The following ARHGAP20 variants were observed in gnomAD, a reference collection of about 807,000 sequenced individuals.
ARHGAP20 encodes Rho GTPase activating protein 20.
ARHGAP20 carries 34 observed loss-of-function variants against 73.7 expected under a neutral mutation model. The observed-to-expected ratio is 0.46, with a 90% CI of 0.35 to 0.61. The LOEUF is 0.61. ARHGAP20 is among the 20% of genes least tolerant of loss of function. The probability of loss-of-function intolerance (pLI) is 0.00; values close to 1 mark genes in which losing one functional copy is unlikely to be tolerated. For missense variants in ARHGAP20, 1,314 were observed against 1,420.9 expected (o/e 0.92, Z 1.21); for synonymous variants, 523 against 518.2 (o/e 1.01, Z -0.13).
At chr11:110,688,566 C>G (rs1054735604) in intron 2 of ARHGAP20, among the ~76,000 whole-genome samples, 1 of 152,048 alleles carries the variant, frequency 6.6e-6, no homozygotes, top group Non-Finnish European at 1.5e-5. Context: ...TTAAAGACAT[C>G]TATACTGATT....
At chr11:110,696,788 T>C (rs955294592) in intron 1 of ARHGAP20, among the ~76,000 whole-genome samples, 3 of 151,716 alleles carry the variant, frequency 2.0e-5, no homozygotes, top group African/African-American at 4.8e-5. Context: ...TTTGTATCCA[T>C]TGTTAGATCC....
chr11:110,677,248 A>C (rs1382726544), intron 2 of ARHGAP20, among the ~76,000 whole-genome samples: 1 of 152,256 alleles, frequency 6.6e-6, no homozygotes, highest in Non-Finnish European at 1.5e-5. Context: ...TAAAAACTCA[A>C]ACAACCCAAT....
chr11:110,579,723 G>C lies in ARHGAP20; in HGVS notation c.3223C>G (p.Pro1075Ala), dbSNP rs1257919926. The change falls in exon 15 of 15, where the codon CCA becomes GCA. Residue 1075 changes from proline to alanine, a missense_variant. Transcript: ENST00000683387. ...ASPKGPLEPP[P>A]HASGVPEANS... Reference sequence around the variant, plus strand: ...GCTTCTGGAACACCAGAAGCATGTGGGGGTGGCTCTAAGGGTCCTTTTGGA... The same window carrying C: ...GCTTCTGGAACACCAGAAGCATGTGCGGGTGGCTCTAAGGGTCCTTTTGGA... 6.2e-6 allele frequency: 10 copies of C among 1,614,190 alleles called. No homozygotes were observed. Among genetic ancestry groups the C allele is most frequent in the Non-Finnish European group, 8.5e-6 (10 of 1,180,036 alleles).
intron 2 of ARHGAP20, among the ~76,000 whole-genome samples, chr11:110,632,897 T>C (rs764803296): frequency 4.6e-5 from 7 of 151,768 alleles, no homozygotes; most frequent in Non-Finnish European, 2.9e-5. Flanking sequence ...TTTGGCAGGT[T>C]ATGTGTTTTG....
chr11:110,646,661 T>C (rs1410772926), intron 2 of ARHGAP20, among the ~76,000 whole-genome samples: 1 of 152,172 alleles, frequency 6.6e-6, no homozygotes, highest in African/African-American at 2.4e-5. Context: ...GGTTATCTAT[T>C]TGACAAAGGG....
At chr11:110,701,333 C>A (rs562457256) in intron 1 of ARHGAP20, among the ~76,000 whole-genome samples, 1 of 151,044 alleles carries the variant, frequency 6.6e-6, no homozygotes, top group East Asian at 1.9e-4. Flanking sequence ...TCTCTGATGG[C>A]CAGTGATGGT....
intron 2 of ARHGAP20, among the ~76,000 whole-genome samples, chr11:110,650,965 T>C (rs1591139624): frequency 6.6e-6 from 1 of 152,186 alleles, no homozygotes. Flanking sequence ...ATGGCACTTA[T>C]TCTAAAATTG....
chr11:110,708,415 G>T (rs1950587856), intron 1 of ARHGAP20, among the ~76,000 whole-genome samples: 1 of 151,568 alleles, frequency 6.6e-6, no homozygotes, highest in Non-Finnish European at 1.5e-5. Flanking sequence ...CCAAAATGAA[G>T]TCCATGCAAA....
intron 2 of ARHGAP20, among the ~76,000 whole-genome samples, chr11:110,632,630 C>T (rs1442842411): frequency 6.6e-6 from 1 of 152,188 alleles, no homozygotes; most frequent in Non-Finnish European, 1.5e-5. Context: ...GTCTCGAACT[C>T]ATGACCTCAG....
At chr11:110,686,296 T>TA (rs574962911) in intron 2 of ARHGAP20, among the ~76,000 whole-genome samples, 5 of 151,682 alleles carry the variant, frequency 3.3e-5, no homozygotes, top group Admixed American at 6.6e-5. Context: ...CTCCAAGTTT[T>TA]AAAAAAAACT....
intron 1 of ARHGAP20, 32 bp from the exon 2 acceptor site, chr11:110,690,661 C>T (rs769009318): frequency 6.3e-7 from 1 of 1,594,842 alleles, no homozygotes; most frequent in South Asian, 1.1e-5. Context: ...ATGAAGACCA[C>T]ATGGCTTGTA....
chr11:110,673,991 T>C (rs1283813789), intron 2 of ARHGAP20, among the ~76,000 whole-genome samples: 1 of 151,804 alleles, frequency 6.6e-6, no homozygotes, highest in Non-Finnish European at 1.5e-5. Flanking sequence ...CAGGCTTGAG[T>C]GCAGTGGCAT....
intron 2 of ARHGAP20, among the ~76,000 whole-genome samples, chr11:110,669,161 TGAGA>T (rs969878576): frequency 6.6e-6 from 1 of 152,174 alleles, no homozygotes; most frequent in African/African-American, 2.4e-5. Context: ...AACATTGTTA[TGAGA>T]GAAAGGCAAG....
chr11:110,635,169 C>T (rs1392087212), intron 2 of ARHGAP20, among the ~76,000 whole-genome samples: 10 of 152,026 alleles, frequency 6.6e-5, no homozygotes, highest in South Asian at 2.1e-4. Flanking sequence ...GTATGAGGAC[C>T]ATACCCTATC....
intron 2 of ARHGAP20, among the ~76,000 whole-genome samples, chr11:110,671,250 G>C (rs1949821811): frequency 6.6e-6 from 1 of 151,310 alleles, no homozygotes; most frequent in South Asian, 2.1e-4. Context: ...CCAACAACAT[G>C]ATCATCTCAA....
chr11:110,712,836 C>T (rs1591204484), upstream of ARHGAP20: 1 of 152,548 alleles, frequency 6.6e-6, no homozygotes, highest in South Asian at 2.1e-4. Context: ...CGACCTCAGC[C>T]TGAGCAGAGG....
rs1193441427 is a variant in ARHGAP20, at chr11:110,598,697, A to G, written c.965-6542T>C. ...CAGGCTGTCTGGAGTGGCTGCTGCC[A>G]TCACACTGGCTGTAGTGGGGAGGCA... On this transcript the variant is annotated intron_variant, in intron 9 of 14. Transcript: ENST00000683387. Among the ~76,000 whole-genome samples, 17 of 152,170 alleles carry G rather than the reference A, an allele frequency of 1.1e-4. 1 individual carries two copies. Among genetic ancestry groups the G allele is most frequent in the Admixed American group, 1.1e-3 (17 of 15,288 alleles).
At chr11:110,617,311 G>C (rs1948506310) in intron 4 of ARHGAP20, among the ~76,000 whole-genome samples, 2 of 145,834 alleles carry the variant, frequency 1.4e-5, no homozygotes, top group Admixed American at 1.4e-4. Context: ...TGCCCAGGAT[G>C]AAGTGCAATG....
At chr11:110,622,012 T>C (rs1948639691) in intron 4 of ARHGAP20, among the ~76,000 whole-genome samples, 1 of 152,216 alleles carries the variant, frequency 6.6e-6, no homozygotes, top group Admixed American at 6.5e-5. Flanking sequence ...CATGTGGGGT[T>C]TGGTGATCAG....
Sources: allele counts gnomAD v4.1 joint callset (sites outside exome capture counted in the v4.1 genomes callset), GRCh38; gene constraint gnomAD v4.1.1; transcripts MANE v1.5; gene names NCBI Gene and HGNC (gene_info 2026-07-23, HGNC 2026-07-21).